The following MRTFB variants were observed in gnomAD, a reference collection of about 807,000 sequenced individuals.
MRTFB encodes the protein myocardin-related transcription factor B.
In MRTFB, 29 loss-of-function variants were observed where a neutral mutation model predicts 104.2. The observed-to-expected ratio is 0.28, with a 90% CI of 0.21 to 0.38. The LOEUF is 0.38. Ranked by LOEUF, MRTFB falls within the 10% of genes least tolerant of loss-of-function variation. MRTFB has a pLI of 1.00. For missense variants in MRTFB, 1,270 were observed against 1,341.6 expected (o/e 0.95, Z 0.83); for synonymous variants, 535 against 519.5 (o/e 1.03, Z -0.41).
intron 2 of MRTFB, among the ~76,000 whole-genome samples, chr16:14,081,322 C>T (rs1348771488): frequency 2.6e-4 from 30 of 113,564 alleles, no homozygotes; most frequent in Non-Finnish European, 4.0e-4. Context: ...GACAGAGTTT[C>T]ACTTTTGTTA....
chr16:14,150,997 T>G (rs1567389138), intron 3 of MRTFB: 1 of 152,202 alleles, frequency 6.6e-6, no homozygotes, highest in South Asian at 2.1e-4. Context: ...TACTTCTATG[T>G]GCAATTTCCT....
intron 10 of MRTFB, among the ~76,000 whole-genome samples, chr16:14,244,589 A>G (rs531426281): frequency 1.3e-5 from 2 of 152,308 alleles, no homozygotes; most frequent in African/African-American, 4.8e-5. Context: ...CTTACTCATT[A>G]TATCAATTCC....
intron 2 of MRTFB, among the ~76,000 whole-genome samples, chr16:14,097,333 A>C (rs539915032): frequency 3.3e-5 from 5 of 152,328 alleles, no homozygotes; most frequent in African/African-American, 1.2e-4. Context: ...TTCAGGTTTC[A>C]TTTGAAGCTA....
intron 3 of MRTFB, among the ~76,000 whole-genome samples, chr16:14,165,867 A>G (rs911119895): frequency 3.3e-5 from 5 of 152,212 alleles, no homozygotes; most frequent in Non-Finnish European, 7.3e-5. Flanking sequence ...TTTGTTCTGT[A>G]AAATATTTAG....
At chr16:14,196,146 G>A (rs147103890) in intron 3 of MRTFB, among the ~76,000 whole-genome samples, 34 of 152,314 alleles carry the variant, frequency 2.2e-4, no homozygotes, top group African/African-American at 7.9e-4. Context: ...GGTATGATGA[G>A]TTTAAAGAAA....
At chr16:14,072,540 C>G (rs1232459491) in intron 1 of MRTFB, among the ~76,000 whole-genome samples, 1 of 152,154 alleles carries the variant, frequency 6.6e-6, no homozygotes, top group African/African-American at 2.4e-5. Flanking sequence ...AAAAAATTAG[C>G]GTGGTGTGGT....
the MRTFB span, among the ~76,000 whole-genome samples, chr16:14,024,094 G>A: frequency 6.6e-6 from 1 of 151,446 alleles, no homozygotes; most frequent in African/African-American, 2.4e-5. Context: ...GGCAGCTGCT[G>A]TTATCACCAT....
At chr16:14,061,085 G>A in the MRTFB span, among the ~76,000 whole-genome samples, 2 of 152,066 alleles carry the variant, frequency 1.3e-5, no homozygotes, top group African/African-American at 4.8e-5. Flanking sequence ...GGCAGAGCTT[G>A]CAGTGAGCCA....
the MRTFB span, among the ~76,000 whole-genome samples, chr16:14,025,713 A>G: frequency 3.3e-5 from 5 of 152,280 alleles, 1 homozygote; most frequent in African/African-American, 9.6e-5. Context: ...GATTGCTGGA[A>G]GAGCAATAAG....
At chr16:14,229,516 A>G (rs2042164181) in intron 8 of MRTFB, among the ~76,000 whole-genome samples, 1 of 152,262 alleles carries the variant, frequency 6.6e-6, no homozygotes, top group African/African-American at 2.4e-5. Flanking sequence ...CTGTCCCTCA[A>G]GACCACATAA....
At chr16:14,145,490 T>C (rs8063236) in intron 3 of MRTFB, among the ~76,000 whole-genome samples, 9,390 of 152,248 alleles carry the variant, frequency 0.062, 906 homozygotes, top group African/African-American at 0.2. Context: ...ATATTCATGT[T>C]ACTGATGATA....
At chr16:14,088,133 A>ATC (rs1161282784) in intron 2 of MRTFB, among the ~76,000 whole-genome samples, 1 of 152,206 alleles carries the variant, frequency 6.6e-6, no homozygotes, top group Non-Finnish European at 1.5e-5. Context: ...GGATAGAAGA[A>ATC]GGATGGCCGG....
At chr16:14,238,183 T>TG (rs2042606556) in intron 9 of MRTFB, among the ~76,000 whole-genome samples, 1 of 152,054 alleles carries the variant, frequency 6.6e-6, no homozygotes, top group Non-Finnish European at 1.5e-5. Context: ...TAATGTGTAG[T>TG]GGCCAAGGAT....
At chr16:14,074,402 G>A (rs1485800245) in intron 1 of MRTFB, among the ~76,000 whole-genome samples, 1 of 152,154 alleles carries the variant, frequency 6.6e-6, no homozygotes, top group Non-Finnish European at 1.5e-5. Context: ...TCTAGGCATA[G>A]GGGATAGATT....
chr16:14,080,750 T>A (rs1015711842), intron 2 of MRTFB, among the ~76,000 whole-genome samples: 1 of 152,142 alleles, frequency 6.6e-6, no homozygotes, highest in Non-Finnish European at 1.5e-5. Context: ...AGTAAGAACA[T>A]GTAGTATTTG....
At chr16:14,037,547 T>G in the MRTFB span, among the ~76,000 whole-genome samples, 1 of 152,142 alleles carries the variant, frequency 6.6e-6, no homozygotes, top group African/African-American at 2.4e-5. Flanking sequence ...CTGTATAACT[T>G]TGTGTTTTGA....
the MRTFB span, among the ~76,000 whole-genome samples, chr16:14,021,714 A>G: frequency 1.3e-5 from 2 of 152,188 alleles, no homozygotes; most frequent in African/African-American, 4.8e-5. Context: ...CTGGAATAAT[A>G]GTCTCCAATC....
At chr16:14,118,135 T>C (rs12933861) in intron 2 of MRTFB, among the ~76,000 whole-genome samples, 3 of 146,370 alleles carry the variant, frequency 2.0e-5, no homozygotes, top group Admixed American at 6.7e-5. Flanking sequence ...TTTTTTTTTT[T>C]CTTTTTCTTT....
At chr16:14,021,715 G>C in the MRTFB span, among the ~76,000 whole-genome samples, 1 of 152,076 alleles carries the variant, frequency 6.6e-6, no homozygotes, top group Non-Finnish European at 1.5e-5. Context: ...TGGAATAATA[G>C]TCTCCAATCC....
Sources: gnomAD v4.1 joint callset for allele counts (sites outside exome capture counted in the v4.1 genomes callset) on GRCh38, gnomAD v4.1.1 for gene constraint, MANE v1.5 for transcripts, NCBI Gene and HGNC (gene_info 2026-07-23, HGNC 2026-07-21) for gene names.